The following RYR3 variants were observed in gnomAD, a reference collection of about 807,000 sequenced individuals.
The protein encoded by RYR3 is brain ryanodine receptor-calcium release channel.
In RYR3, 207 loss-of-function variants were observed where a neutral mutation model predicts 584.3. The ratio of observed to expected loss-of-function variants is 0.35; its 90% confidence interval spans 0.32 to 0.40. The LOEUF (loss-of-function observed/expected upper bound fraction) is 0.40, where lower values mean the gene tolerates loss of function less well. Among genes scored for constraint, RYR3 ranks in the 10% least tolerant of loss-of-function variants. The pLI is 1.00. For missense variants in RYR3, 5,616 were observed against 6,089.2 expected, an observed-to-expected ratio of 0.92 and a Z score of 2.59; for synonymous variants, 2,416 against 2,248.5, an observed-to-expected ratio of 1.07 and a Z score of -2.11.
intron 101 of RYR3, 40 bp from the exon 102 acceptor site, chr15:33,861,038 T>TA (rs753715375): frequency 1.6e-5 from 22 of 1,415,220 alleles, no homozygotes; most frequent in Non-Finnish European, 2.1e-5. Context: ...CTGCCTATAT[T>TA]ATGCCAACAA....
chr15:33,404,416 G>T (rs1448546971), intron 1 of RYR3, among the ~76,000 whole-genome samples: 3 of 152,310 alleles, frequency 2.0e-5, no homozygotes, highest in South Asian at 2.1e-4. Flanking sequence ...CTGTGACCGT[G>T]AGACCAAGCT....
intron 27 of RYR3, 139 bp downstream of exon 27, chr15:33,636,689 C>T (rs1031093799): frequency 1.5e-6 from 1 of 688,876 alleles, no homozygotes; most frequent in Non-Finnish European, 2.4e-6. Flanking sequence ...TGAAGACGAT[C>T]CCATAGACTA....
At chr15:33,840,957 C>A in intron 90 of RYR3, 74 bp downstream of exon 90, 1 of 1,353,232 alleles carries the variant, frequency 7.4e-7, no homozygotes, top group Middle Eastern at 1.8e-4. Context: ...GTGGCTCGCA[C>A]CTGTAATCCC....
intron 92 of RYR3, among the ~76,000 whole-genome samples, chr15:33,844,084 TA>T (rs1345648542): frequency 6.6e-6 from 1 of 152,228 alleles, no homozygotes; most frequent in Non-Finnish European, 1.5e-5. Flanking sequence ...TGCAGTGAAT[TA>T]ATGAAGGGTC....
chr15:33,700,341 C>T (rs567701407), intron 41 of RYR3, among the ~76,000 whole-genome samples: 1 of 152,312 alleles, frequency 6.6e-6, no homozygotes, highest in South Asian at 2.1e-4. Flanking sequence ...GTAAATCCAC[C>T]ACTACCACTA....
At position 33,669,378 on chromosome 15, in the gene RYR3, C is replaced by A. The variant is rs781224576; in HGVS notation, c.5644C>A (p.Leu1882Met). The part of the protein sequence containing the change: ...EQINMLLNFQ[L>M]GENCPCPEEI... ...GATCAACATGCTGCTTAACTTTCAA[C>A]TGGGAGAGAACTGCCCCTGCCCAGA... The change falls in exon 37 of 104, where the codon CTG becomes ATG. Residue 1882 changes from leucine (L) to methionine (M), a missense_variant. Around this residue, in one of 9 missense-constraint regions of RYR3, gnomAD observed 1,280 missense variants for 1,426.2 expected, o/e 0.90. Transcript: ENST00000634891. 5.0e-6 allele frequency: 8 copies of A among 1,613,968 alleles called. No individual in the cohort carries two copies. Among genetic ancestry groups the A allele is most frequent in the Non-Finnish European group, 6.8e-6 (8 of 1,179,876 alleles).
chr15:33,834,006 G>A (rs187630585), intron 86 of RYR3, among the ~76,000 whole-genome samples: 17 of 152,128 alleles, frequency 1.1e-4, no homozygotes, highest in Non-Finnish European at 1.5e-5. Flanking sequence ...TATTGACCGC[G>A]CACTGTGGCT....
chr15:33,591,017 A>G (rs2059104257), intron 16 of RYR3, among the ~76,000 whole-genome samples: 1 of 152,190 alleles, frequency 6.6e-6, no homozygotes, highest in South Asian at 2.1e-4. Context: ...CAGTCTTTGG[A>G]GTGAAAAAGA....
At chr15:33,474,186 CCT>C (rs1208090217) in intron 2 of RYR3, among the ~76,000 whole-genome samples, 1 of 152,100 alleles carries the variant, frequency 6.6e-6, no homozygotes, top group Non-Finnish European at 1.5e-5. Flanking sequence ...CCTGGGAAAA[CCT>C]CTATATCCGT....
intron 19 of RYR3, among the ~76,000 whole-genome samples, chr15:33,621,186 G>A (rs1221522411): frequency 1.3e-5 from 2 of 152,178 alleles, no homozygotes. Context: ...TAGCAACAGA[G>A]CTCATGAATA....
At chr15:33,359,911 G>A (rs752423482) in intron 1 of RYR3, among the ~76,000 whole-genome samples, 1 of 151,932 alleles carries the variant, frequency 6.6e-6, no homozygotes, top group African/African-American at 2.4e-5. Flanking sequence ...GTGAGCCACC[G>A]GGCCCGGCCT....
At chr15:33,389,621 T>C (rs2041861979) in intron 1 of RYR3, among the ~76,000 whole-genome samples, 1 of 152,200 alleles carries the variant, frequency 6.6e-6, no homozygotes, top group South Asian at 2.1e-4. Context: ...AATTATGACA[T>C]CTATGGAAAA....
At position 33,553,752 on chromosome 15, in the gene RYR3, C is replaced by G. The variant is rs150417241; in HGVS notation, c.972+3436C>G. 4.8e-3 allele frequency among the ~76,000 whole-genome samples: 734 copies of G among 152,276 alleles called. 11 individuals are homozygous for G. The highest frequency in any genetic ancestry group is 0.025 in the South Asian group (119 of 4,826). ...GATCTGAGAGTGGTGTTGTGTAAGA[C>G]AAAGCCTGGCTTCAAAGTTAGCCTA... On this transcript the variant is annotated intron_variant, in intron 10 of 103. Transcript: ENST00000634891.
intron 43 of RYR3, among the ~76,000 whole-genome samples, chr15:33,712,127 A>C (rs575304081): frequency 1.6e-4 from 24 of 152,274 alleles, no homozygotes; most frequent in African/African-American, 5.8e-4. Flanking sequence ...TCATAGGGTG[A>C]AAGCAGGCAT....
chr15:33,312,701 T>C (rs1170722727), intron 1 of RYR3, among the ~76,000 whole-genome samples: 1 of 152,156 alleles, frequency 6.6e-6, no homozygotes, highest in Non-Finnish European at 1.5e-5. Flanking sequence ...CTAGGCGTTA[T>C]TGCTTGAAAA....
intron 3 of RYR3, among the ~76,000 whole-genome samples, chr15:33,514,909 C>T (rs1389697441): frequency 2.0e-5 from 3 of 151,898 alleles, no homozygotes; most frequent in East Asian, 3.9e-4. Context: ...GAGGCTGAGG[C>T]GGGAGAATGG....
intron 66 of RYR3, among the ~76,000 whole-genome samples, chr15:33,786,283 CAAG>C (rs2074703838): frequency 1.3e-5 from 2 of 152,152 alleles, no homozygotes; most frequent in South Asian, 4.2e-4. Context: ...TTTTGGTACT[CAAG>C]AATCCCATTA....
intron 1 of RYR3, among the ~76,000 whole-genome samples, chr15:33,329,686 A>G (rs967640139): frequency 2.6e-5 from 4 of 152,210 alleles, no homozygotes; most frequent in African/African-American, 9.6e-5. Flanking sequence ...TAACATCAAA[A>G]TCTTTGGCCA....
At chr15:33,795,827 G>A (rs540077652) in intron 67 of RYR3, among the ~76,000 whole-genome samples, 3 of 152,036 alleles carry the variant, frequency 2.0e-5, no homozygotes, top group Admixed American at 6.5e-5. Flanking sequence ...CACCGCACCC[G>A]ACCTAAACAA....
Sources: gnomAD v4.1 joint callset for allele counts (sites outside exome capture counted in the v4.1 genomes callset) on GRCh38, gnomAD v4.1.1 for gene constraint, gnomAD v4.1.1 regional missense constraint, MANE v1.5 for transcripts, NCBI Gene and HGNC (gene_info 2026-07-23, HGNC 2026-07-21) for gene names.